Variants in SGCZ observed in about 807,000 individuals in gnomAD.
SGCZ encodes zeta-sarcoglycan.
SGCZ carries 40 observed loss-of-function variants against 41.3 expected under a neutral mutation model. The ratio of observed to expected loss-of-function variants is 0.97; its 90% confidence interval spans 0.75 to 1.26. The LOEUF (loss-of-function observed/expected upper bound fraction) is 1.26. Ranked by LOEUF, SGCZ falls within the 50% of genes most tolerant of loss-of-function variation. SGCZ has a pLI of 0.00. For missense variants in SGCZ, 552 were observed against 369.8 expected (o/e 1.49, Z -4.04); for synonymous variants, 206 against 137.5 (o/e 1.50, Z -3.49).
intron 1 of SGCZ, among the ~76,000 whole-genome samples, chr8:14,831,642 GTGTA>G (rs1043680022): frequency 6.0e-5 from 9 of 151,138 alleles, no homozygotes; most frequent in Non-Finnish European, 1.2e-4. Context: ...ATGTGTGTGT[GTGTA>G]TATATATATA....
intron 2 of SGCZ, among the ~76,000 whole-genome samples, chr8:14,423,724 A>T (rs1298503235): frequency 1.3e-5 from 2 of 151,968 alleles, no homozygotes; most frequent in Non-Finnish European, 2.9e-5. Context: ...TATCATTAAT[A>T]TTTCATTTTG....
At chr8:14,179,935 CAT>C (rs1804667611) in intron 4 of SGCZ, among the ~76,000 whole-genome samples, 1 of 152,158 alleles carries the variant, frequency 6.6e-6, no homozygotes, top group Non-Finnish European at 1.5e-5. Context: ...ATGAACCAAA[CAT>C]ATTGGTGAAA....
At chr8:14,368,151 G>T (rs1195251522) in intron 2 of SGCZ, among the ~76,000 whole-genome samples, 1 of 151,790 alleles carries the variant, frequency 6.6e-6, no homozygotes, top group Non-Finnish European at 1.5e-5. Context: ...CTTCTAAATG[G>T]TTCTTTCAAT....
At chr8:15,162,516 G>C (rs1445520134) in intron 1 of SGCZ, among the ~76,000 whole-genome samples, 1 of 152,188 alleles carries the variant, frequency 6.6e-6, no homozygotes, top group East Asian at 1.9e-4. Context: ...TGTTTCCAAA[G>C]TGTTTTGATA....
chr8:14,102,521 A>G (rs1802065276), intron 6 of SGCZ, 22 bp from the exon 7 acceptor site: 1 of 1,372,910 alleles, frequency 7.3e-7, no homozygotes, highest in Non-Finnish European at 9.5e-7. Flanking sequence ...ACAAAAAATC[A>G]TTAATAGGAA....
chr8:14,105,369 G>A lies in SGCZ; in HGVS notation c.620+2794C>T, dbSNP rs540540103. 9.2e-5 allele frequency among the ~76,000 whole-genome samples: 14 copies of A among 151,930 alleles called. No homozygotes were observed. The East Asian group carries it at 2.5e-3, about 27-fold the overall frequency. The stretch of plus-strand genomic sequence containing the variant: ...TGTATTTCTTTTCTAAAGTCTTTTT[G>A]TTCTTCACAATAACAAAACCAAAGA... On this transcript the variant is annotated intron_variant, in intron 6 of 7. Coordinates refer to ENST00000382080, the MANE Select transcript of SGCZ (RefSeq NM_139167.4).
chr8:15,056,744 C>T (rs1804721878), intron 1 of SGCZ, among the ~76,000 whole-genome samples: 1 of 152,120 alleles, frequency 6.6e-6, no homozygotes, highest in Admixed American at 6.5e-5. Context: ...CGTCAATATT[C>T]ATACAGCTCC....
chr8:15,102,987 T>A (rs920070277), intron 1 of SGCZ, among the ~76,000 whole-genome samples: 1 of 152,188 alleles, frequency 6.6e-6, no homozygotes, highest in Non-Finnish European at 1.5e-5. Flanking sequence ...AGGACATAAA[T>A]GTAATTATTA....
chr8:14,999,786 G>A (rs1187284674), intron 1 of SGCZ, among the ~76,000 whole-genome samples: 1 of 152,188 alleles, frequency 6.6e-6, no homozygotes, highest in Non-Finnish European at 1.5e-5. Context: ...CATGCACCAT[G>A]CAAAGTAATG....
intron 6 of SGCZ, among the ~76,000 whole-genome samples, chr8:14,103,078 A>T (rs954313324): frequency 2.6e-5 from 4 of 152,194 alleles, no homozygotes; most frequent in Admixed American, 6.5e-5. Context: ...ACATCAACTA[A>T]TTCTGTTGGC....
rs140042880 is a variant in SGCZ at position 14,532,373 on chromosome 8, G to A, written c.234+22359C>T. Reference sequence around the variant, plus strand: ...TAGTGGTCTTTAGCAGGTAGAAAGTGGATAATGGTCTTTGGAGCCACCAAT... The same window carrying A: ...TAGTGGTCTTTAGCAGGTAGAAAGTAGATAATGGTCTTTGGAGCCACCAAT... On this transcript the variant is annotated intron_variant, in intron 2 of 7. Transcript: ENST00000382080. 4.8e-3 allele frequency among the ~76,000 whole-genome samples: 728 copies of A among 152,150 alleles called. 22 individuals carry two copies. The highest frequency in any genetic ancestry group is 0.041 in the Admixed American group (623 of 15,246).
intron 1 of SGCZ, among the ~76,000 whole-genome samples, chr8:14,601,831 T>G (rs548315868): frequency 1.3e-5 from 2 of 152,266 alleles, no homozygotes; most frequent in South Asian, 4.1e-4. Context: ...TAAAACCTTA[T>G]GATGTGGTGC....
chr8:14,098,044 A>T (rs994417236), intron 7 of SGCZ, among the ~76,000 whole-genome samples: 5 of 152,202 alleles, frequency 3.3e-5, no homozygotes. Flanking sequence ...CCTCAAAGAT[A>T]GAATCATATT....
intron 4 of SGCZ, among the ~76,000 whole-genome samples, chr8:14,198,420 C>A (rs1013085113): frequency 5.3e-5 from 8 of 152,184 alleles, no homozygotes; most frequent in African/African-American, 1.9e-4. Flanking sequence ...AAAAAAGGAA[C>A]AATGGACATT....
chr8:15,066,584 C>T (rs555567258), intron 1 of SGCZ, among the ~76,000 whole-genome samples: 28 of 152,088 alleles, frequency 1.8e-4, no homozygotes, highest in Non-Finnish European at 3.7e-4. Context: ...ATTTGTATCT[C>T]CTGACATACT....
intron 2 of SGCZ, among the ~76,000 whole-genome samples, chr8:14,376,370 G>T (rs781277731): frequency 8.6e-5 from 13 of 152,022 alleles, no homozygotes; most frequent in Non-Finnish European, 1.8e-4. Context: ...AATAACTATT[G>T]TAACAACACA....
intron 3 of SGCZ, among the ~76,000 whole-genome samples, chr8:14,249,034 G>A (rs1799198683): frequency 6.6e-6 from 1 of 152,178 alleles, no homozygotes; most frequent in African/African-American, 2.4e-5. Context: ...TTAGACTGGA[G>A]ATGGGTGTCC....
chr8:14,092,153 C>A (rs991256757), intron 7 of SGCZ, among the ~76,000 whole-genome samples: 1 of 151,938 alleles, frequency 6.6e-6, no homozygotes. Context: ...TTGCTGAGGC[C>A]TCTGTTCTGT....
At chr8:14,527,486 G>A (rs557417527) in intron 2 of SGCZ, among the ~76,000 whole-genome samples, 10 of 152,084 alleles carry the variant, frequency 6.6e-5, no homozygotes, top group Non-Finnish European at 1.2e-4. Flanking sequence ...ACTATTTTTT[G>A]TAGTGACAAG....
Sources: allele counts gnomAD v4.1 joint callset (sites outside exome capture counted in the v4.1 genomes callset), GRCh38; gene constraint gnomAD v4.1.1; transcripts MANE v1.5; gene names NCBI Gene and HGNC (gene_info 2026-07-23, HGNC 2026-07-21).